ABLIM3: variants seen among roughly 807,000 people sequenced by gnomAD.
The protein encoded by ABLIM3 is actin-binding LIM protein 3.
In ABLIM3, 61 loss-of-function variants were observed where a neutral mutation model predicts 109.5. That is an observed-to-expected ratio of 0.56 (90% confidence interval 0.45 to 0.69). ABLIM3 has a LOEUF of 0.69. Ranked by LOEUF, ABLIM3 falls within the 30% of genes least tolerant of loss-of-function variation. The pLI is 0.00. For synonymous variants in ABLIM3, 300 were observed against 324.8 expected (o/e 0.92, Z 0.82); for missense variants, 796 against 889.5 (o/e 0.89, Z 1.34).
intron 15 of ABLIM3, chr5:149,243,535 A>G (rs10067047): frequency 0.49 from 73,952 of 151,946 alleles, 18,328 homozygotes; most frequent in East Asian, 0.59. Flanking sequence ...GGAGGGGACA[A>G]TACGAGTTTA....
intron 2 of ABLIM3, among the ~76,000 whole-genome samples, chr5:149,147,069 T>TTCTCTCTCTCTCTCTC (rs200724498): frequency 7.2e-4 from 107 of 148,742 alleles, no homozygotes; most frequent in African/African-American, 2.4e-3. Context: ...CTCTCTCTCT[T>TTCTCTCTCTCTCTCTC]TCTCTCTCTC....
At chr5:149,153,643 C>G (rs1753632180) in intron 2 of ABLIM3, among the ~76,000 whole-genome samples, 1 of 152,098 alleles carries the variant, frequency 6.6e-6, no homozygotes, top group South Asian at 2.1e-4. Flanking sequence ...AAATGAGTGA[C>G]CGGAACAGTG....
At chr5:149,157,211 C>T (rs1753932723) in intron 2 of ABLIM3, among the ~76,000 whole-genome samples, 1 of 152,142 alleles carries the variant, frequency 6.6e-6, no homozygotes, top group African/African-American at 2.4e-5. Context: ...GCACAGGCTG[C>T]CCTGGGATCT....
intron 5 of ABLIM3, among the ~76,000 whole-genome samples, chr5:149,205,325 A>T (rs1249381220): frequency 6.6e-6 from 1 of 152,150 alleles, no homozygotes; most frequent in African/African-American, 2.4e-5. Flanking sequence ...GAGGTGATTA[A>T]GCAGAGGAGG....
At chr5:149,161,303 G>C (rs1754342325) in intron 2 of ABLIM3, among the ~76,000 whole-genome samples, 2 of 152,200 alleles carry the variant, frequency 1.3e-5, no homozygotes, top group East Asian at 3.9e-4. Flanking sequence ...TACACACTTA[G>C]AGAATGATCC....
chr5:149,152,169 G>C (rs977486257), intron 2 of ABLIM3, among the ~76,000 whole-genome samples: 1 of 152,172 alleles, frequency 6.6e-6, no homozygotes, highest in Non-Finnish European at 1.5e-5. Context: ...CAATAGGATT[G>C]CCTGCTTTGG....
At chr5:149,239,672 C>T in intron 12 of ABLIM3, 87 bp from the exon 13 acceptor site, 2 of 1,492,974 alleles carry the variant, frequency 1.3e-6, no homozygotes, top group Non-Finnish European at 1.8e-6. Context: ...TCCCAGATTC[C>T]ATGTCATGCC....
At chr5:149,181,949 A>G (rs1756507281) in intron 2 of ABLIM3, among the ~76,000 whole-genome samples, 1 of 152,184 alleles carries the variant, frequency 6.6e-6, no homozygotes, top group South Asian at 2.1e-4. Context: ...GGTAACATTC[A>G]TTCCTGAGTT....
chr5:149,211,366 A>G (rs1165541903), intron 7 of ABLIM3, among the ~76,000 whole-genome samples: 3 of 152,004 alleles, frequency 2.0e-5, no homozygotes, highest in African/African-American at 7.2e-5. Context: ...GGCCTTGCTG[A>G]GCCCCTGTGC....
At chr5:149,258,260 C>G (rs1397252946) in intron 23 of ABLIM3, 31 bp from the exon 24 acceptor site, 3 of 1,599,808 alleles carry the variant, frequency 1.9e-6, no homozygotes, top group African/African-American at 2.7e-5. Flanking sequence ...TTTCTCTGTC[C>G]CCCCACCCCC....
At chr5:149,241,530 G>A (rs549709770) in intron 14 of ABLIM3, among the ~76,000 whole-genome samples, 8 of 152,352 alleles carry the variant, frequency 5.3e-5, no homozygotes, top group East Asian at 3.9e-4. Flanking sequence ...GGAGGCCGAG[G>A]CGTGTGGGTC....
chr5:149,220,975 T>C (rs574335544), intron 8 of ABLIM3: 5 of 152,330 alleles, frequency 3.3e-5, no homozygotes, highest in African/African-American at 9.6e-5. Context: ...AATAGAAGTG[T>C]AAACATTCAA....
chr5:149,196,994 C>G lies in ABLIM3; in HGVS notation c.152-1225C>G, dbSNP rs185306457. On this transcript the variant is annotated intron_variant, in intron 3 of 23. Coordinates refer to ENST00000309868, the MANE Select transcript of ABLIM3 (RefSeq NM_014945.5). ...AAGACTAGGAAATGCCTTGTAAAAT[C>G]CTGTTGCATCTCTGTTCAAAAGCCA... is the stretch of plus-strand genomic sequence containing the variant. Among the ~76,000 whole-genome samples, 13 of 152,300 alleles carry G rather than the reference C, an allele frequency of 8.5e-5. 1 individual carries two copies. In the East Asian group the frequency reaches 2.5e-3, roughly 29 times the overall value.
chr5:149,240,638 C>G (rs751408041), intron 13 of ABLIM3, 38 bp from the exon 14 acceptor site: 1 of 1,537,524 alleles, frequency 6.5e-7, no homozygotes, highest in South Asian at 1.1e-5. Context: ...TTCTCTGTGC[C>G]TCTGTTTTCT....
chr5:149,178,033 C>T (rs75868787), intron 2 of ABLIM3, among the ~76,000 whole-genome samples: 1,741 of 152,266 alleles, frequency 0.011, 17 homozygotes, highest in South Asian at 0.024. Context: ...TCCTTACCCG[C>T]TGTGTCGTGT....
chr5:149,189,112 A>G (rs1328507788), intron 3 of ABLIM3, among the ~76,000 whole-genome samples: 1 of 152,230 alleles, frequency 6.6e-6, no homozygotes, highest in African/African-American at 2.4e-5. Context: ...GAGGGGAAGA[A>G]TGGTCTTTTC....
At chr5:149,244,792 G>T in intron 15 of ABLIM3, 89 bp from the exon 16 acceptor site, 2 of 1,556,296 alleles carry the variant, frequency 1.3e-6, no homozygotes, top group Non-Finnish European at 8.8e-7. Flanking sequence ...ACTCCCCTGG[G>T]CTGGAGCCTG....
At chr5:149,257,984 C>T (rs577621792) in intron 23 of ABLIM3, among the ~76,000 whole-genome samples, 39 of 152,220 alleles carry the variant, frequency 2.6e-4, no homozygotes, top group African/African-American at 8.4e-4. Context: ...ATGCAGAAAG[C>T]GGAGGGGTCA....
intron 2 of ABLIM3, among the ~76,000 whole-genome samples, chr5:149,147,018 G>C (rs539428661): frequency 5.3e-5 from 8 of 152,114 alleles, no homozygotes; most frequent in African/African-American, 1.9e-4. Context: ...TCTCCTCGAA[G>C]AGATCTTTCA....
Sources: allele counts gnomAD v4.1 joint callset (sites outside exome capture counted in the v4.1 genomes callset), GRCh38; gene constraint gnomAD v4.1.1; transcripts MANE v1.5; gene names NCBI Gene and HGNC (gene_info 2026-07-23, HGNC 2026-07-21).